SFI1: variants seen among roughly 807,000 people sequenced by gnomAD.
The protein encoded by SFI1 is protein SFI1 homolog.
Under a neutral mutation model 207.5 loss-of-function variants are expected in SFI1, and 195 were observed. The observed-to-expected ratio is 0.94, with a 90% CI of 0.84 to 1.06. The LOEUF (loss-of-function observed/expected upper bound fraction) is 1.06, where lower values mean the gene tolerates loss of function less well. Ranked by LOEUF, SFI1 falls within the 50% of genes least tolerant of loss-of-function variation. SFI1 has a pLI of 0.00. For synonymous variants in SFI1, 630 were observed against 598.9 expected (o/e 1.05, Z -0.76); for missense variants, 1,634 against 1,588.0 (o/e 1.03, Z -0.49).
chr22:31,578,592 G>A, intron 11 of SFI1, 140 bp downstream of exon 11: 1 of 644,466 alleles, frequency 1.6e-6, no homozygotes, highest in Non-Finnish European at 2.6e-6. Context: ...TCCTTTCATT[G>A]TGGGTGTCCT....
intron 15 of SFI1, among the ~76,000 whole-genome samples, chr22:31,590,983 T>A (rs181033669): frequency 0.018 from 2,481 of 138,516 alleles, 59 homozygotes; most frequent in African/African-American, 0.057. Flanking sequence ...TTATTTATTT[T>A]TTTATTGATA....
intron 2 of SFI1, among the ~76,000 whole-genome samples, chr22:31,514,944 G>A (rs1179314365): frequency 6.6e-6 from 1 of 151,926 alleles, no homozygotes; most frequent in Non-Finnish European, 1.5e-5. Context: ...GCTAATTTTT[G>A]TATTTTTAGT....
chr22:31,503,870 T>C lies in SFI1; in HGVS notation c.-30-4385T>C, dbSNP rs79702829. 3.0e-3 allele frequency among the ~76,000 whole-genome samples: 454 copies of C among 152,036 alleles called. 1 individual carries two copies. The highest frequency in any genetic ancestry group is 0.011 in the African/African-American group (442 of 41,498). On this transcript the variant is annotated intron_variant, in intron 1 of 32. Coordinates refer to ENST00000400288, the MANE Select transcript of SFI1 (RefSeq NM_001007467.3). Reference sequence around the variant, plus strand: ...TCCCAAAGTTCTAGGATTACAGGCATGCGCCACTGTCCTCGGCCATGTTTT... The same window carrying C: ...TCCCAAAGTTCTAGGATTACAGGCACGCGCCACTGTCCTCGGCCATGTTTT...
At chr22:31,500,561 G>A (rs546767450) in intron 1 of SFI1, among the ~76,000 whole-genome samples, 9 of 151,926 alleles carry the variant, frequency 5.9e-5, no homozygotes, top group South Asian at 2.1e-4. Flanking sequence ...GGGTTCAAGC[G>A]ATTCTCCTGC....
Position 31,513,561 on chromosome 22 carries a change from C to CGTTTTGTTTTGTTTTGTTTTGTTTT in SFI1, c.92+5191_92+5215dup, listed in dbSNP as rs140696308. Among the ~76,000 whole-genome samples, 266 of 146,128 alleles carry CGTTTTGTTTTGTTTTGTTTTGTTTT rather than the reference C, an allele frequency of 1.8e-3. 5 individuals carry two copies. The highest frequency in any genetic ancestry group is 2.3e-3 in the African/African-American group (89 of 39,488). ...TGGCAATCCCAGCACTTTGGTTTTT[C>CGTTTTGTTTTGTTTTGTTTTGTTTT]GTTTTGTTTTGTTTTGTTTTGTTTT... is the stretch of plus-strand genomic sequence containing the variant. On this transcript the variant is annotated intron_variant, in intron 2 of 32. Coordinates refer to ENST00000400288, the MANE Select transcript of SFI1 (RefSeq NM_001007467.3).
chr22:31,602,787 T>G lies in SFI1; in HGVS notation c.1805+2T>G. 6.2e-7 allele frequency: 1 copy of G among 1,612,500 alleles called. No individual in the cohort carries two copies. The highest frequency in any genetic ancestry group is 8.5e-7 in the Non-Finnish European group (1 of 1,179,586). ...AAGTGCCCAAGGGCTCAGAACAGAG[T>G]GAGTGGCCAGTTCTGCCTTACAAGC... On this transcript the variant is annotated splice_donor_variant, in intron 17 of 32. Coordinates refer to ENST00000400288, the MANE Select transcript of SFI1 (RefSeq NM_001007467.3). LOFTEE classifies it high-confidence loss of function.
chr22:31,569,730 T>C (rs2145754631), intron 8 of SFI1, among the ~76,000 whole-genome samples: 1 of 152,210 alleles, frequency 6.6e-6, no homozygotes, highest in Admixed American at 6.5e-5. Flanking sequence ...GGGGGACAGC[T>C]TGAGCCCTAG....
chr22:31,508,135 C>T, intron 1 of SFI1, 120 bp from the exon 2 acceptor site: 1 of 579,568 alleles, frequency 1.7e-6, no homozygotes, highest in Non-Finnish European at 3.1e-6. Context: ...ACCTAGCCCA[C>T]ATTCATCTAG....
rs117137547 is a variant in SFI1 at position 31,604,321 on chromosome 22, C to T, written c.1894C>T (p.Arg632Trp). 277 of 1,576,876 alleles carry T rather than the reference C, an allele frequency of 1.8e-4. 1 individual carries two copies. The East Asian group carries it at 4.4e-3, about 25-fold the overall frequency. The change falls in exon 19 of 33, where the codon CGG becomes TGG. Residue 632 changes from arginine to tryptophan, a missense_variant. Arg to Trp is a moderately radical substitution (Grantham distance 101). Coordinates refer to ENST00000400288, the MANE Select transcript of SFI1 (RefSeq NM_001007467.3). ...CCTCTGTCTGCAGTGCCTGGCCCTG[C>T]GGGGAGCGGAGCGGCAGAAGCTGAT... ...WSQWRECLAL[R>W]GAERQKLMRA...
chr22:31,604,667 A>G, intron 19 of SFI1: 1 of 593,178 alleles, frequency 1.7e-6, no homozygotes, highest in Non-Finnish European at 3.0e-6. Context: ...GGTTTGACTT[A>G]GGAGGTGAGG....
chr22:31,604,232 TA>T, intron 18 of SFI1, 76 bp from the exon 19 acceptor site: 2 of 1,118,010 alleles, frequency 1.8e-6, no homozygotes, highest in Non-Finnish European at 2.6e-6. Flanking sequence ...AGATGATGTA[TA>T]AAATGGAGGC....
chr22:31,589,295 C>T (rs538366481), intron 14 of SFI1, 152 bp from the exon 15 acceptor site: 2 of 800,256 alleles, frequency 2.5e-6, no homozygotes, highest in East Asian at 3.1e-5. Context: ...TCATTTTTCA[C>T]CTAGCATATT....
At chr22:31,596,179 G>A (rs558040298) in intron 15 of SFI1, among the ~76,000 whole-genome samples, 1 of 152,332 alleles carries the variant, frequency 6.6e-6, no homozygotes. Context: ...CTTTAACCCA[G>A]GAGGCAGAGG....
chr22:31,515,820 C>T (rs2056415788), intron 2 of SFI1, among the ~76,000 whole-genome samples: 1 of 151,246 alleles, frequency 6.6e-6, no homozygotes, highest in African/African-American at 2.4e-5. Context: ...TCACTGCAAC[C>T]TGCATCCCCT....
chr22:31,614,492 G>A (rs1050308764), intron 27 of SFI1: 10 of 591,914 alleles, frequency 1.7e-5, no homozygotes, highest in Admixed American at 4.4e-5. Context: ...GATCCTGAAC[G>A]TCTCAGAGGC....
intron 15 of SFI1, among the ~76,000 whole-genome samples, chr22:31,590,070 G>C (rs1256576090): frequency 1.3e-5 from 2 of 151,700 alleles, no homozygotes; most frequent in Admixed American, 1.3e-4. Context: ...GATGAGATGA[G>C]ATCTGCCCAC....
intron 4 of SFI1, among the ~76,000 whole-genome samples, chr22:31,544,816 A>C (rs536427694): frequency 6.6e-6 from 1 of 152,250 alleles, no homozygotes; most frequent in East Asian, 1.9e-4. Flanking sequence ...CAATATTAAA[A>C]AATTTTTAAC....
At chr22:31,524,162 A>G (rs2057621162) in intron 2 of SFI1, among the ~76,000 whole-genome samples, 1 of 152,042 alleles carries the variant, frequency 6.6e-6, no homozygotes, top group Non-Finnish European at 1.5e-5. Context: ...AGATGGCGCC[A>G]TTGCACTCCA....
At chr22:31,576,861 C>T (rs2063577499) in intron 10 of SFI1, among the ~76,000 whole-genome samples, 1 of 151,970 alleles carries the variant, frequency 6.6e-6, no homozygotes, top group Non-Finnish European at 1.5e-5. Flanking sequence ...AGGCTGGTCT[C>T]AAACTCCTGA....
Sources: allele counts gnomAD v4.1 joint callset (sites outside exome capture counted in the v4.1 genomes callset), GRCh38; gene constraint gnomAD v4.1.1; transcripts MANE v1.5; gene names NCBI Gene and HGNC (gene_info 2026-07-23, HGNC 2026-07-21).